Variants in ZNF14 observed in about 807,000 individuals in gnomAD.
ZNF14 encodes the protein gonadotropin inducible transcription repressor-4.
A neutral mutation model predicts 11.3 loss-of-function variants in ZNF14; 9 were observed. The observed-to-expected ratio is 0.80, with a 90% confidence interval of 0.48 to 1.39. ZNF14 has a LOEUF of 1.39. Among genes scored for constraint, ZNF14 ranks in the 40% most tolerant of loss-of-function variants. The probability of loss-of-function intolerance (pLI) is 0.00; values close to 1 mark genes in which losing one functional copy is unlikely to be tolerated. For synonymous variants in ZNF14, 239 were observed against 245.7 expected (o/e 0.97, Z 0.25); for missense variants, 711 against 763.9 (o/e 0.93, Z 0.82).
chr19:19,722,930 T>A (rs998426470), intron 1 of ZNF14, among the ~76,000 whole-genome samples: 1 of 152,250 alleles, frequency 6.6e-6, no homozygotes, highest in Non-Finnish European at 1.5e-5. Flanking sequence ...TTTTGCACAT[T>A]GATTTTGTAT....
intron 1 of ZNF14, 36 bp from the exon 2 acceptor site, chr19:19,714,523 A>G: frequency 6.3e-7 from 1 of 1,594,014 alleles, no homozygotes; most frequent in Non-Finnish European, 8.5e-7. Flanking sequence ...GAGGATGGGT[A>G]AGACTGGCAG....
intron 1 of ZNF14, among the ~76,000 whole-genome samples, chr19:19,718,016 C>T (rs2062382388): frequency 1.3e-5 from 2 of 152,128 alleles, no homozygotes; most frequent in Admixed American, 1.3e-4. Flanking sequence ...GAGACAAAAC[C>T]CAGTAGGATA....
rs199719131 is a variant in ZNF14 at position 19,711,368 on chromosome 19, A to G, written c.1913T>C (p.Met638Thr). Residue 638 changes from methionine to threonine, a missense_variant, in exon 4 of 4, where the codon ATG becomes ACG. Physicochemically the swap from Met to Thr is moderately conservative, Grantham distance 81. Coordinates refer to ENST00000344099, the MANE Select transcript of ZNF14 (RefSeq NM_021030.3). ...SHFRLHERTHMGEKV is the reference protein window; with the variant it reads ...SHFRLHERTHTGEKV ...CTTATATTCTTAGACTTTCTCTCCC[A>G]TATGAGTCCTTTCATGCAGTCGAAA... 4.5e-6 allele frequency: 7 copies of G among 1,561,746 alleles called. No homozygotes were observed. In the South Asian group the frequency reaches 7.4e-5, roughly 17 times the overall value.
In ZNF14 at chr19:19,720,338, T is replaced by C. The variant is rs2062389427; in HGVS notation, c.4-5851A>G. On this transcript the variant is annotated intron_variant, in intron 1 of 3. Transcript: ENST00000344099. This position sits in a 1 kb window ranked among gnomAD's most constrained non-coding sequence, Gnocchi z 4.1. ...AGCCCACATTCTGGAACATAAAACA[T>C]ATCTTTTTTTTTTTTTTTTGAGATG... Among the ~76,000 whole-genome samples, 1 of 148,692 alleles carries C rather than the reference T, an allele frequency of 6.7e-6. No individual in the cohort carries two copies. The highest frequency in any genetic ancestry group is 6.7e-5 in the Admixed American group (1 of 14,836).
At chr19:19,713,289 G>A (rs1314649668) in intron 3 of ZNF14, among the ~76,000 whole-genome samples, 200 bp from the exon 4 acceptor site, 1 of 152,122 alleles carries the variant, frequency 6.6e-6, no homozygotes, top group Non-Finnish European at 1.5e-5. Flanking sequence ...TTTTTTTGTT[G>A]TTGTTGTTTA....
At position 19,724,883 on chromosome 19, in the gene ZNF14, A is replaced by G. The variant is rs2062402667; in HGVS notation, c.3+8073T>C. On this transcript the variant is annotated intron_variant, in intron 1 of 3. Coordinates refer to ENST00000344099, the MANE Select transcript of ZNF14 (RefSeq NM_021030.3). The stretch of plus-strand genomic sequence containing the variant: ...TCTTTGTTGGTTTAAAGTCTGTTTT[A>G]TCAGAGACTAGGATTGCAACCCCTA... 3.0e-5 allele frequency among the ~76,000 whole-genome samples: 4 copies of G among 132,736 alleles called. 2 individuals are homozygous for G. Among genetic ancestry groups the G allele is most frequent in the African/African-American group, 1.1e-4 (4 of 35,830 alleles). The allele number at this position is 132,736 out of a possible 152,430, so 87.1% of individuals were successfully genotyped here.
chr19:19,714,158 T>C lies in ZNF14; in HGVS notation c.131-7A>G, dbSNP rs1164088570. On this transcript the variant is annotated splice_polypyrimidine_tract_variant and splice_region_variant and intron_variant, in intron 2 of 3. Transcript: ENST00000344099. ...TGGTCTTCCCACTTTTTTCCTAAAA[T>C]GCATACCCAGAAAGACCATTAAAAA... is the stretch of plus-strand genomic sequence containing the variant. 6.2e-7 allele frequency: 1 copy of C among 1,612,338 alleles called. No individual in the cohort carries two copies. The highest frequency in any genetic ancestry group is 8.5e-7 in the Non-Finnish European group (1 of 1,179,444).
intron 1 of ZNF14, among the ~76,000 whole-genome samples, chr19:19,726,672 C>T (rs181335852): frequency 0.017 from 2,339 of 133,906 alleles, 531 homozygotes; most frequent in African/African-American, 0.062. Flanking sequence ...CAGCTATGCC[C>T]TGCCCCCAGA....
intron 1 of ZNF14, among the ~76,000 whole-genome samples, chr19:19,732,536 G>A (rs911880498): frequency 6.6e-6 from 1 of 152,180 alleles, no homozygotes; most frequent in African/African-American, 2.4e-5. Context: ...ACCTGACCCC[G>A]GCAGCAAGGA....
At chr19:19,713,368 C>G (rs1035241666) in intron 3 of ZNF14, among the ~76,000 whole-genome samples, 11 of 152,192 alleles carry the variant, frequency 7.2e-5, no homozygotes, top group Admixed American at 1.3e-4. Flanking sequence ...CTCACTGAAG[C>G]CTTGAATTCC....
In ZNF14 at chr19:19,733,061, G is replaced by T. The variant is rs1332336751; in HGVS notation, c.-103C>A. The T allele has an allele frequency of 4.1e-6, 6 of 1,468,962 alleles. No individual in the cohort carries two copies. Among genetic ancestry groups the T allele is most frequent in the Admixed American group, 2.0e-5 (1 of 49,342 alleles). 91.0% of individuals were successfully genotyped at this position (1,468,962 alleles called of 1,614,324 possible). A position where few individuals can be genotyped will look rare whatever the true frequency, so the allele number is the denominator to read the frequency against. Reference sequence around the variant, plus strand: ...CGCTAGAGCCACCTTCGGCCTTCAGGAGCAGGTGAAACGCAATCTTCCCAT... The same window carrying T: ...CGCTAGAGCCACCTTCGGCCTTCAGTAGCAGGTGAAACGCAATCTTCCCAT... On this transcript the variant is annotated 5_prime_UTR_variant, in exon 1 of 4. Coordinates refer to ENST00000344099, the MANE Select transcript of ZNF14 (RefSeq NM_021030.3).
At chr19:19,713,154 G>A in intron 3 of ZNF14, 65 bp from the exon 4 acceptor site, 1 of 1,422,368 alleles carries the variant, frequency 7.0e-7, no homozygotes, top group East Asian at 2.3e-5. Flanking sequence ...TAGTAGGTAT[G>A]AGAATTACAT....
chr19:19,723,974 T>C (rs2062400192), intron 1 of ZNF14, among the ~76,000 whole-genome samples: 3 of 134,076 alleles, frequency 2.2e-5, no homozygotes, highest in Admixed American at 7.3e-5. Context: ...TTCTCTCTTT[T>C]ATTCTTTATT....
chr19:19,717,553 G>C lies in ZNF14; in HGVS notation c.4-3066C>G, dbSNP rs535119021. Among the ~76,000 whole-genome samples the C allele has an allele frequency of 3.3e-5, 5 of 152,290 alleles. No individual in the cohort carries two copies. In the South Asian group the frequency reaches 8.3e-4, roughly 25 times the overall value. On this transcript the variant is annotated intron_variant, in intron 1 of 3. Coordinates refer to ENST00000344099, the MANE Select transcript of ZNF14 (RefSeq NM_021030.3). Reference sequence around the variant, plus strand: ...GGCTAGGGCTGAAAGTTCAAGGGCAGGTCTTTCTGGTCACCAATCCTAATC... The same window carrying C: ...GGCTAGGGCTGAAAGTTCAAGGGCACGTCTTTCTGGTCACCAATCCTAATC...
rs1011551100 is a variant in ZNF14, at chr19:19,725,514, T to C, written c.3+7442A>G. On this transcript the variant is annotated intron_variant, in intron 1 of 3. Transcript: ENST00000344099. Reference sequence around the variant, plus strand: ...TCTCTCTGGCTGCCCTTAACATTTTTCCCTTCATTTCAACTTTGGTGAATC... The same window carrying C: ...TCTCTCTGGCTGCCCTTAACATTTTCCCCTTCATTTCAACTTTGGTGAATC... Among the ~76,000 whole-genome samples the C allele has an allele frequency of 6.7e-5, 9 of 133,862 alleles. 2 individuals carry two copies. The highest frequency in any genetic ancestry group is 2.5e-4 in the African/African-American group (9 of 36,176). The allele number at this position is 133,862 out of a possible 152,430, so 87.8% of individuals were successfully genotyped here.
chr19:19,728,008 C>A (rs1272828159), intron 1 of ZNF14, among the ~76,000 whole-genome samples: 1 of 132,208 alleles, frequency 7.6e-6, no homozygotes, highest in African/African-American at 2.8e-5. Flanking sequence ...CCCAGCCACT[C>A]GGGAGGCTGA....
At chr19:19,728,077 T>C (rs1599472349) in intron 1 of ZNF14, among the ~76,000 whole-genome samples, 3 of 124,540 alleles carry the variant, frequency 2.4e-5, no homozygotes, top group African/African-American at 3.0e-5. Flanking sequence ...GATCGCACCA[T>C]TGCACTCCAG....
intron 3 of ZNF14, among the ~76,000 whole-genome samples, chr19:19,713,391 A>G (rs914103579): frequency 5.9e-5 from 9 of 151,850 alleles, no homozygotes; most frequent in Non-Finnish European, 1.0e-4. Context: ...GGCTCAACCA[A>G]TCCTCCCATC....
chr19:19,712,910 G>C lies in ZNF14; in HGVS notation c.371C>G (p.Ser124Cys), dbSNP rs1213942379. ...HHSSLNRHMR[S>C]HTGQKPNEYQ... ...CTCATTTGGTTTCTGTCCAGTGTGA[G>C]ATCTCATGTGCCTATTAAGGGACGA... Residue 124 changes from serine to cysteine, a missense_variant, in exon 4 of 4, where the codon TCT becomes TGT. Physicochemically the swap from Ser to Cys is moderately radical, Grantham distance 112 (BLOSUM62 -1). Coordinates refer to ENST00000344099, the MANE Select transcript of ZNF14 (RefSeq NM_021030.3). The C allele has an allele frequency of 6.2e-7, 1 of 1,614,000 alleles. No homozygotes were observed. The highest frequency in any genetic ancestry group is 8.5e-7 in the Non-Finnish European group (1 of 1,180,018).
Sources: allele counts gnomAD v4.1 joint callset (sites outside exome capture counted in the v4.1 genomes callset), GRCh38; gene constraint gnomAD v4.1.1; non-coding constraint Gnocchi (gnomAD v3.1); transcripts MANE v1.5; gene names NCBI Gene and HGNC (gene_info 2026-07-23, HGNC 2026-07-21).